IQCM: variants seen among roughly 807,000 people sequenced by gnomAD.
The protein encoded by IQCM is IQ domain-containing protein M.
IQCM carries 45 observed loss-of-function variants against 57.6 expected under a neutral mutation model. The ratio of observed to expected loss-of-function variants is 0.78; its 90% CI spans 0.62 to 1.00. The LOEUF is 1.00. IQCM is among the 50% of genes least tolerant of loss of function. The pLI, the probability that IQCM is intolerant of heterozygous loss-of-function variation, is 0.00. For missense variants in IQCM, 468 were observed against 511.6 expected (o/e 0.91, Z 0.82); for synonymous variants, 148 against 158.9 (o/e 0.93, Z 0.51).
chr4:149,439,339 TAAAC>T (rs1033968816), intron 12 of IQCM, among the ~76,000 whole-genome samples: 44 of 152,242 alleles, frequency 2.9e-4, no homozygotes, highest in African/African-American at 9.4e-4. Context: ...GTTTGCTTAA[TAAAC>T]AAATTAAATA....
chr4:149,802,348 A>G (rs1293102648), intron 2 of IQCM, among the ~76,000 whole-genome samples: 1 of 151,892 alleles, frequency 6.6e-6, no homozygotes, highest in East Asian at 1.9e-4. Context: ...GCTAAATATT[A>G]CCTCTCGTAG....
At chr4:149,498,593 C>G in intron 12 of IQCM, among the ~76,000 whole-genome samples, 1 of 152,130 alleles carries the variant, frequency 6.6e-6, no homozygotes, top group Admixed American at 6.5e-5. Context: ...GGAACCATAT[C>G]TCGATCAGGA....
intron 2 of IQCM, among the ~76,000 whole-genome samples, chr4:149,781,561 T>C (rs1312599653): frequency 2.0e-5 from 3 of 152,216 alleles, no homozygotes; most frequent in Admixed American, 6.5e-5. Context: ...GGTATATTGT[T>C]ATAGTTGTTC....
chr4:149,803,248 T>TCATG (rs1322559161), intron 2 of IQCM, among the ~76,000 whole-genome samples: 1 of 151,992 alleles, frequency 6.6e-6, no homozygotes, highest in Non-Finnish European at 1.5e-5. Context: ...CCTTCCTATA[T>TCATG]CATGTTATGT....
chr4:149,600,877 T>G (rs80304545), intron 8 of IQCM, among the ~76,000 whole-genome samples: 1,582 of 152,220 alleles, frequency 0.01, 29 homozygotes, highest in African/African-American at 0.036. Context: ...CCTAGAAAAT[T>G]TTTTCAGGAC....
At chr4:149,669,769 C>A (rs1167318565) in intron 7 of IQCM, among the ~76,000 whole-genome samples, 7 of 152,114 alleles carry the variant, frequency 4.6e-5, no homozygotes, top group Admixed American at 3.9e-4. Flanking sequence ...TCAGGTTTGT[C>A]AAAGATCAGA....
chr4:149,790,273 T>C, intron 2 of IQCM: 1 of 257,912 alleles, frequency 3.9e-6, no homozygotes, highest in Non-Finnish European at 7.9e-6. Context: ...TGTGATGATA[T>C]GGAGAAGAGC....
intron 12 of IQCM, among the ~76,000 whole-genome samples, chr4:149,529,725 T>A (rs1468948921): frequency 6.6e-6 from 1 of 152,194 alleles, no homozygotes; most frequent in Non-Finnish European, 1.5e-5. Context: ...TAAACCCACT[T>A]AACTGAGCTT....
intron 13 of IQCM, among the ~76,000 whole-genome samples, chr4:149,414,893 T>C (rs1733635909): frequency 6.6e-6 from 1 of 152,178 alleles, no homozygotes; most frequent in East Asian, 1.9e-4. Flanking sequence ...TCAGGTATAT[T>C]GAAGCAAGGT....
rs114073710 is a variant in IQCM at position 149,797,682 on chromosome 4, G to C, written c.-49+17629C>G. On this transcript the variant is annotated intron_variant, in intron 2 of 13. Transcript: ENST00000636793. ...AAAGAAAGAACCCTAAAAGCAGCAA[G>C]AGAAAAGAAACAAATAACATATAAT... Among the ~76,000 whole-genome samples the C allele has an allele frequency of 7.3e-3, 1,104 of 151,724 alleles. 9 individuals are homozygous for C. Among genetic ancestry groups the C allele is most frequent in the African/African-American group, 0.025 (1,036 of 41,436 alleles).
At chr4:149,414,184 T>C (rs1733585559) in intron 13 of IQCM, among the ~76,000 whole-genome samples, 1 of 152,200 alleles carries the variant, frequency 6.6e-6, no homozygotes. Context: ...TGACAGAGGA[T>C]TGAGGAACAA....
At position 149,656,753 on chromosome 4, in the gene IQCM, G is replaced by A. The variant is rs773726269; in HGVS notation, c.565+25365C>T. Among the ~76,000 whole-genome samples, 23 of 152,126 alleles carry A rather than the reference G, an allele frequency of 1.5e-4. No homozygotes were observed. In the South Asian group the frequency reaches 1.9e-3, roughly 12 times the overall value. On this transcript the variant is annotated intron_variant, in intron 7 of 13. Transcript: ENST00000636793. ...GCCTGGAGAGTTGATGCACTGGTAC[G>A]TAGGGCGGAATTCTCTTACAAGCCT...
intron 2 of IQCM, among the ~76,000 whole-genome samples, chr4:149,756,723 C>G (rs1769000021): frequency 6.6e-6 from 1 of 151,910 alleles, no homozygotes; most frequent in African/African-American, 2.4e-5. Context: ...ATTTTAAACC[C>G]AACAATCAAG....
intron 5 of IQCM, among the ~76,000 whole-genome samples, chr4:149,709,366 C>T (rs908773846): frequency 1.3e-5 from 2 of 152,068 alleles, no homozygotes; most frequent in Non-Finnish European, 2.9e-5. Flanking sequence ...AGAAAATTCT[C>T]TTTTTACCAA....
At chr4:149,414,472 G>T (rs1383028682) in intron 13 of IQCM, among the ~76,000 whole-genome samples, 2 of 152,120 alleles carry the variant, frequency 1.3e-5, no homozygotes, top group Non-Finnish European at 2.9e-5. Context: ...GAGAAAAGCA[G>T]TTTTGGAAAG....
At chr4:149,583,166 A>G (rs1752362267) in intron 9 of IQCM, among the ~76,000 whole-genome samples, 1 of 151,644 alleles carries the variant, frequency 6.6e-6, no homozygotes, top group Admixed American at 6.6e-5. Flanking sequence ...AAATAGGAAG[A>G]AGGAAGAATA....
At chr4:149,761,034 G>A (rs1769456172) in intron 2 of IQCM, among the ~76,000 whole-genome samples, 2 of 151,828 alleles carry the variant, frequency 1.3e-5, no homozygotes, top group South Asian at 4.1e-4. Flanking sequence ...AAACTTTCCT[G>A]GTATTTCTAA....
At chr4:149,470,558 G>C (rs896078313) in intron 12 of IQCM, among the ~76,000 whole-genome samples, 1 of 152,130 alleles carries the variant, frequency 6.6e-6, no homozygotes, top group Non-Finnish European at 1.5e-5. Context: ...ACATTAGACA[G>C]ATCAACGAGA....
chr4:149,621,553 T>C (rs953066498), intron 7 of IQCM, among the ~76,000 whole-genome samples: 1 of 152,226 alleles, frequency 6.6e-6, no homozygotes, highest in African/African-American at 2.4e-5. Context: ...ACTTCTTTTT[T>C]TTTAAAGGAG....
Sources: gnomAD v4.1 joint callset for allele counts (sites outside exome capture counted in the v4.1 genomes callset) on GRCh38, gnomAD v4.1.1 for gene constraint, MANE v1.5 for transcripts, NCBI Gene and HGNC (gene_info 2026-07-23, HGNC 2026-07-21) for gene names.